The following PTPRD variants were observed in gnomAD, a reference collection of about 807,000 sequenced individuals.
The protein encoded by PTPRD is receptor-type tyrosine-protein phosphatase delta.
A neutral mutation model predicts 214.5 loss-of-function variants in PTPRD; 34 were observed. The ratio of observed to expected loss-of-function variants is 0.16; its 90% CI spans 0.12 to 0.21. The LOEUF is 0.21. PTPRD is among the 10% of genes least tolerant of loss of function. The pLI, the probability that PTPRD is intolerant of heterozygous loss-of-function variation, is 1.00. For missense variants in PTPRD, 2,545 were observed against 2,398.7 expected, an observed-to-expected ratio of 1.06 and a Z score of -1.27; for synonymous variants, 1,128 against 845.7, an observed-to-expected ratio of 1.33 and a Z score of -5.79.
chr9:8,856,960 C>A (rs1361879930), intron 11 of PTPRD, among the ~76,000 whole-genome samples: 2 of 152,282 alleles, frequency 1.3e-5, no homozygotes, highest in South Asian at 4.2e-4. Flanking sequence ...TTGGTTTGTT[C>A]GTGGCTTTCT....
At chr9:10,293,343 A>T (rs1158024183) in intron 3 of PTPRD, among the ~76,000 whole-genome samples, 1 of 151,926 alleles carries the variant, frequency 6.6e-6, no homozygotes, top group East Asian at 1.9e-4. Flanking sequence ...TTCTCTGTAT[A>T]TCAATTTAAA....
intron 2 of PTPRD, among the ~76,000 whole-genome samples, chr9:10,512,516 G>C (rs1338930160): frequency 1.3e-5 from 2 of 152,084 alleles, no homozygotes; most frequent in Non-Finnish European, 2.9e-5. Context: ...GGGTTGGGGG[G>C]AATGGAGCTT....
rs1312699944 is a variant in PTPRD, at chr9:8,816,349, T to G, written c.-103-82403A>C. ...CTGTATACAGAAGAACAGAACTGCT[T>G]CAGCTATGGAAAGAATGAGATGAGC... On this transcript the variant is annotated intron_variant, in intron 11 of 45. Coordinates refer to ENST00000381196, the MANE Select transcript of PTPRD (RefSeq NM_002839.4). 2.0e-5 allele frequency among the ~76,000 whole-genome samples: 3 copies of G among 152,276 alleles called. No homozygotes were observed. In the East Asian group the frequency reaches 5.8e-4, roughly 29 times the overall value.
chr9:10,193,369 C>T (rs753336571), intron 3 of PTPRD, among the ~76,000 whole-genome samples: 2 of 151,792 alleles, frequency 1.3e-5, no homozygotes, highest in Admixed American at 6.6e-5. Context: ...CCTCTGTGTG[C>T]GGTTGGGCTG....
At chr9:8,454,488 C>G in intron 33 of PTPRD, 1 of 1,361,694 alleles carries the variant, frequency 7.3e-7, no homozygotes, top group Non-Finnish European at 1.0e-6. Context: ...CTTTTGTGTG[C>G]AGCCCCGCCC....
chr9:8,773,445 G>T (rs902467178), intron 11 of PTPRD, among the ~76,000 whole-genome samples: 4 of 152,128 alleles, frequency 2.6e-5, no homozygotes, highest in African/African-American at 9.7e-5. Flanking sequence ...TCGCTTGTTG[G>T]TTTCTCATCA....
intron 11 of PTPRD, among the ~76,000 whole-genome samples, chr9:8,886,877 C>A (rs2098494566): frequency 6.6e-6 from 1 of 152,198 alleles, no homozygotes; most frequent in Admixed American, 6.5e-5. Context: ...GGAAGATATA[C>A]ACACACAAAC....
chr9:10,432,399 C>A (rs940603683), intron 2 of PTPRD, among the ~76,000 whole-genome samples: 1 of 151,590 alleles, frequency 6.6e-6, no homozygotes, highest in Admixed American at 6.6e-5. Flanking sequence ...AACTAACCTG[C>A]ACAATGTGCA....
intron 10 of PTPRD, among the ~76,000 whole-genome samples, chr9:9,179,901 G>C (rs1180581121): frequency 6.6e-6 from 1 of 152,052 alleles, no homozygotes. Context: ...GGTTTTCTGT[G>C]AGGAGTAAAT....
chr9:9,471,526 T>C (rs183206901), intron 8 of PTPRD, among the ~76,000 whole-genome samples: 280 of 152,318 alleles, frequency 1.8e-3, no homozygotes, highest in African/African-American at 6.5e-3. Context: ...TTAAAGAATT[T>C]ATTGCTTAAA....
At chr9:10,289,442 AC>A (rs1402246652) in intron 3 of PTPRD, among the ~76,000 whole-genome samples, 1 of 152,150 alleles carries the variant, frequency 6.6e-6, no homozygotes, top group Non-Finnish European at 1.5e-5. Flanking sequence ...TGACTGCCTA[AC>A]ATCAAAGACA....
At chr9:8,436,835 G>C (rs1250533275) in intron 34 of PTPRD, 146 bp from the exon 35 acceptor site, 10 of 661,838 alleles carry the variant, frequency 1.5e-5, no homozygotes, top group Admixed American at 2.8e-5. Context: ...CAGGCAAATA[G>C]TTTGGTTACT....
intron 12 of PTPRD, among the ~76,000 whole-genome samples, chr9:8,726,312 G>T (rs2098556681): frequency 6.6e-6 from 1 of 151,768 alleles, no homozygotes; most frequent in Admixed American, 6.6e-5. Context: ...GGTACAGCTG[G>T]GTGTGGTGGC....
intron 7 of PTPRD, among the ~76,000 whole-genome samples, chr9:9,660,988 C>T (rs982317775): frequency 2.6e-5 from 4 of 151,986 alleles, no homozygotes; most frequent in African/African-American, 4.8e-5. Flanking sequence ...ATGGAAATAA[C>T]GCTTTATTCA....
intron 9 of PTPRD, among the ~76,000 whole-genome samples, chr9:9,390,391 G>GA: frequency 6.6e-6 from 1 of 152,132 alleles, no homozygotes; most frequent in South Asian, 2.1e-4. Context: ...AGAGAAATGG[G>GA]AAAACAAATT....
chr9:9,492,769 G>C lies in PTPRD; in HGVS notation c.-237+81963C>G, dbSNP rs570141008. On this transcript the variant is annotated intron_variant, in intron 8 of 45. Coordinates refer to ENST00000381196, the MANE Select transcript of PTPRD (RefSeq NM_002839.4). ...TTTATGACAACCCTGAGTCAAGCAA[G>C]TCTATAAATGCCATTTTTCCAAAAG... Among the ~76,000 whole-genome samples, 16 of 151,060 alleles carry C rather than the reference G, an allele frequency of 1.1e-4. No homozygotes were observed. The South Asian group carries it at 1.5e-3, about 14-fold the overall frequency.
intron 10 of PTPRD, among the ~76,000 whole-genome samples, chr9:9,032,741 A>G (rs1168854846): frequency 6.6e-6 from 1 of 152,070 alleles, no homozygotes; most frequent in Non-Finnish European, 1.5e-5. Flanking sequence ...AGGGTTTTAT[A>G]TTTTTCCTTG....
intron 10 of PTPRD, among the ~76,000 whole-genome samples, chr9:9,062,397 G>T (rs974171756): frequency 1.3e-5 from 2 of 152,128 alleles, no homozygotes; most frequent in African/African-American, 4.8e-5. Flanking sequence ...GTGGCTGATG[G>T]AAGAAATTAA....
chr9:10,265,044 A>G (rs944759977), intron 3 of PTPRD, among the ~76,000 whole-genome samples: 13 of 152,138 alleles, frequency 8.5e-5, no homozygotes, highest in Non-Finnish European at 1.6e-4. Flanking sequence ...CTTCCCAGTC[A>G]TGGGGAACTG....
Sources: gnomAD v4.1 joint callset for allele counts (sites outside exome capture counted in the v4.1 genomes callset) on GRCh38, gnomAD v4.1.1 for gene constraint, MANE v1.5 for transcripts, NCBI Gene and HGNC (gene_info 2026-07-23, HGNC 2026-07-21) for gene names.